Variants in KIF20B observed in about 807,000 individuals in gnomAD.
The protein encoded by KIF20B is kinesin-like protein KIF20B.
A neutral mutation model predicts 232.5 loss-of-function variants in KIF20B; 188 were observed. The observed-to-expected ratio is 0.81, with a 90% CI of 0.72 to 0.91. The LOEUF (loss-of-function observed/expected upper bound fraction) is 0.91, where lower values mean the gene tolerates loss of function less well. Ranked by LOEUF, KIF20B falls within the 40% of genes least tolerant of loss-of-function variation. The pLI is 0.00. For missense variants in KIF20B, 2,154 were observed against 2,055.9 expected, an observed-to-expected ratio of 1.05 and a Z score of -0.92; for synonymous variants, 712 against 683.0, an observed-to-expected ratio of 1.04 and a Z score of -0.66.
At chr10:89,773,840 T>C (rs1430508005) in intron 32 of KIF20B, 131 bp from the exon 33 acceptor site, 1 of 439,994 alleles carries the variant, frequency 2.3e-6, no homozygotes, top group African/African-American at 2.0e-5. Context: ...ATCTGTAGTC[T>C]AAGTAAAAAA....
At chr10:89,741,294 A>T (rs1841788827) in intron 21 of KIF20B, among the ~76,000 whole-genome samples, 1 of 152,160 alleles carries the variant, frequency 6.6e-6, no homozygotes, top group South Asian at 2.1e-4. Flanking sequence ...AATGTGAGTG[A>T]TGGGGAGTGG....
chr10:89,762,984 T>G (rs907872341), intron 29 of KIF20B, 149 bp downstream of exon 29: 13 of 627,698 alleles, frequency 2.1e-5, no homozygotes, highest in Non-Finnish European at 3.3e-5. Context: ...TTATACCCTT[T>G]AAGGATATCA....
At chr10:89,724,383 T>G (rs74352030) in intron 14 of KIF20B, among the ~76,000 whole-genome samples, 1 of 151,980 alleles carries the variant, frequency 6.6e-6, no homozygotes, top group Non-Finnish European at 1.5e-5. Flanking sequence ...AAAAATTAGC[T>G]GGGCGTACTG....
At chr10:89,728,646 C>G (rs980836304) in intron 17 of KIF20B, among the ~76,000 whole-genome samples, 2 of 152,066 alleles carry the variant, frequency 1.3e-5, no homozygotes, top group African/African-American at 4.8e-5. Flanking sequence ...GTTAGGGTTA[C>G]AGGTGGCCAC....
intron 25 of KIF20B, among the ~76,000 whole-genome samples, chr10:89,753,637 T>C (rs1014091322): frequency 6.6e-6 from 1 of 152,206 alleles, no homozygotes; most frequent in African/African-American, 2.4e-5. Flanking sequence ...TTTTCGTTTT[T>C]TTGAGACGGA....
At position 89,738,069 on chromosome 10, in the gene KIF20B, T is replaced by C. The variant is rs1841700735; in HGVS notation, c.3228T>C (p.His1076=). The change falls in exon 20 of 33, where the codon CAT becomes CAC. Residue 1076 remains histidine (H), a synonymous_variant. Transcript: ENST00000371728. ...EIVKASSKKS[H]QIEELEQQIE... is the part of the protein sequence containing the mutation. ...TGAAGGCCTCTTCCAAAAAAAGTCA[T>C]CAGATTGAGGAACTGGAACAACAAA... is the stretch of plus-strand genomic sequence containing the variant. 2 of 1,613,032 alleles carry C rather than the reference T, an allele frequency of 1.2e-6. No individual in the cohort carries two copies. Among genetic ancestry groups the C allele is most frequent in the South Asian group, 1.1e-5 (1 of 91,054 alleles).
intron 29 of KIF20B, among the ~76,000 whole-genome samples, chr10:89,764,955 A>T (rs533146103): frequency 1.6e-3 from 235 of 151,462 alleles, no homozygotes; most frequent in Middle Eastern, 3.4e-3. Flanking sequence ...GGTGTTTTAG[A>T]CATGAAGTCC....
intron 4 of KIF20B, 93 bp downstream of exon 4, chr10:89,709,554 T>A: frequency 1.3e-6 from 1 of 782,200 alleles, no homozygotes; most frequent in Non-Finnish European, 2.1e-6. Context: ...GAACTATACA[T>A]TTTATGCTTA....
intron 26 of KIF20B, among the ~76,000 whole-genome samples, chr10:89,755,478 C>G (rs912429047): frequency 4.4e-5 from 6 of 136,250 alleles, no homozygotes; most frequent in African/African-American, 1.6e-4. Flanking sequence ...CCTCCCTCCC[C>G]TTTCCTTTTT....
intron 29 of KIF20B, among the ~76,000 whole-genome samples, chr10:89,767,256 C>T (rs944948755): frequency 1.3e-5 from 2 of 150,446 alleles, no homozygotes; most frequent in African/African-American, 4.9e-5. Flanking sequence ...TAGGTATACA[C>T]ATGCTATGGT....
In KIF20B at chr10:89,738,464, T is replaced by A; in HGVS notation, c.3623T>A (p.Leu1208His). 6.2e-7 allele frequency: 1 copy of A among 1,604,820 alleles called. No individual in the cohort carries two copies. Among genetic ancestry groups the A allele is most frequent in the Non-Finnish European group, 8.5e-7 (1 of 1,177,110 alleles). ...AATTTGAAGGAATTTCAAGAACATC[T>A]TCAGGATTCTGTCAAAAACACCAAA... ...ERNLKEFQEH[L>H]QDSVKNTKDL... The change falls in exon 20 of 33, where the codon CTT (leucine) becomes CAT (histidine). Residue 1208 changes from leucine to histidine, a missense_variant. By Grantham distance (99) the Leu-to-His change is moderately conservative. Coordinates refer to ENST00000371728, the MANE Select transcript of KIF20B (RefSeq NM_001284259.2).
chr10:89,765,954 T>C lies in KIF20B; in HGVS notation c.4990-2336T>C, dbSNP rs113670916. 4.6e-3 allele frequency among the ~76,000 whole-genome samples: 699 copies of C among 151,366 alleles called. 6 individuals carry two copies. Among genetic ancestry groups the C allele is most frequent in the African/African-American group, 0.016 (643 of 40,804 alleles). ...TTAACATTTTTTCCTTCATTTTGAC[T>C]TTGCTGAATCTGACAATTATGTGTC... is the stretch of plus-strand genomic sequence containing the variant. On this transcript the variant is annotated intron_variant, in intron 29 of 32. Coordinates refer to ENST00000371728, the MANE Select transcript of KIF20B (RefSeq NM_001284259.2).
chr10:89,721,520 ATTAG>A (rs1315990740), intron 13 of KIF20B, among the ~76,000 whole-genome samples: 1 of 151,984 alleles, frequency 6.6e-6, no homozygotes, highest in Non-Finnish European at 1.5e-5. Flanking sequence ...AAAAAGTAAA[ATTAG>A]TTAGGCATGA....
At chr10:89,761,693 AAAT>A (rs1452329438) in intron 28 of KIF20B, among the ~76,000 whole-genome samples, 1 of 152,184 alleles carries the variant, frequency 6.6e-6, no homozygotes, top group Non-Finnish European at 1.5e-5. Context: ...TAGTAGTTTC[AAAT>A]AATTAGCACT....
intron 31 of KIF20B, among the ~76,000 whole-genome samples, chr10:89,769,257 A>C (rs1302332747): frequency 6.6e-6 from 1 of 151,748 alleles, no homozygotes; most frequent in African/African-American, 2.4e-5. Context: ...GCAGGAGTAC[A>C]CTCTCTAGGG....
At chr10:89,726,659 T>G in intron 16 of KIF20B, 138 bp downstream of exon 16, 1 of 688,528 alleles carries the variant, frequency 1.5e-6, no homozygotes, top group Non-Finnish European at 2.1e-6. Context: ...TTTTAATATT[T>G]TACCATTTGT....
In KIF20B at chr10:89,719,634, T is replaced by A. The variant is rs1399221749; in HGVS notation, c.1650T>A (p.Thr550=). 6.2e-7 allele frequency: 1 copy of A among 1,612,934 alleles called. No homozygotes were observed. The highest frequency in any genetic ancestry group is 1.7e-5 in the Admixed American group (1 of 59,936). The change falls in exon 13 of 33, where the codon ACT becomes ACA. Residue 550 remains threonine (T), a synonymous_variant. Transcript: ENST00000371728. ...ENAEETQNVE[T]KLLDEDLDKT... The stretch of plus-strand genomic sequence containing the variant: ...CTGAAGAAACTCAAAATGTGGAAAC[T>A]AAACTTCTTGATGAAGATCTAGATA...
At position 89,757,040 on chromosome 10, in the gene KIF20B, G is replaced by GTATATA. The variant is rs34325599; in HGVS notation, c.4504-1641_4504-1636dup. Among the ~76,000 whole-genome samples, 491 of 110,698 alleles carry GTATATA rather than the reference G, an allele frequency of 4.4e-3. 11 individuals are homozygous for GTATATA. The highest frequency in any genetic ancestry group is 6.4e-3 in the Non-Finnish European group (345 of 54,042). 72.6% of individuals were successfully genotyped at this position (110,698 alleles called of 152,430 possible). On this transcript the variant is annotated intron_variant, in intron 26 of 32. Coordinates refer to ENST00000371728, the MANE Select transcript of KIF20B (RefSeq NM_001284259.2). ...ATCTCTGTTGTGTGTGTGTGTGTGT[G>GTATATA]TATATATATATATATATATATATAT...
chr10:89,724,631 T>C (rs567844278), intron 14 of KIF20B, among the ~76,000 whole-genome samples: 9 of 152,310 alleles, frequency 5.9e-5, no homozygotes, highest in African/African-American at 2.2e-4. Flanking sequence ...AGATGGAGTC[T>C]TGTGCTGTCA....
Sources: gnomAD v4.1 joint callset for allele counts (sites outside exome capture counted in the v4.1 genomes callset) on GRCh38, gnomAD v4.1.1 for gene constraint, MANE v1.5 for transcripts, NCBI Gene and HGNC (gene_info 2026-07-23, HGNC 2026-07-21) for gene names.